The following TTC7B variants were observed in gnomAD, a reference collection of about 807,000 sequenced individuals.
TTC7B encodes tetratricopeptide repeat domain 7B, also known as tetratricopeptide repeat protein 7B.
TTC7B carries 28 observed loss-of-function variants against 106.8 expected under a neutral mutation model. The observed-to-expected ratio is 0.26, with a 90% CI of 0.19 to 0.36. The LOEUF is 0.36. Among genes scored for constraint, TTC7B ranks in the 10% least tolerant of loss-of-function variants. The probability of loss-of-function intolerance (pLI) is 1.00; values close to 1 mark genes in which losing one functional copy is unlikely to be tolerated. For missense variants in TTC7B, 862 were observed against 1,076.4 expected, an observed-to-expected ratio of 0.80 and a Z score of 2.79; for synonymous variants, 405 against 430.6, an observed-to-expected ratio of 0.94 and a Z score of 0.74.
At chr14:90,752,796 A>T (rs749057119) in intron 3 of TTC7B, among the ~76,000 whole-genome samples, 1 of 152,264 alleles carries the variant, frequency 6.6e-6, no homozygotes, top group Non-Finnish European at 1.5e-5. Context: ...TCTGACTACA[A>T]AGTGTTGCTC....
At chr14:90,546,070 G>T (rs1425099625) in intron 19 of TTC7B, among the ~76,000 whole-genome samples, 1 of 152,196 alleles carries the variant, frequency 6.6e-6, no homozygotes, top group Non-Finnish European at 1.5e-5. Context: ...ATGAAAAATA[G>T]GCCTCTCCCC....
In TTC7B at chr14:90,567,970, C is replaced by T. The variant is rs570206129; in HGVS notation, c.2310+10136G>A. Among the ~76,000 whole-genome samples the T allele has an allele frequency of 5.3e-5, 8 of 152,290 alleles. No individual in the cohort carries two copies. The South Asian group carries it at 1.2e-3, about 24-fold the overall frequency. ...ACTCGGTCTGAAGGTCCAGATCACA[C>T]GTGGGGTTGACACGGCCCAAAGAGA... On this transcript the variant is annotated intron_variant, in intron 19 of 19. Transcript: ENST00000328459.
intron 9 of TTC7B, among the ~76,000 whole-genome samples, chr14:90,668,656 A>C (rs1292876083): frequency 6.6e-6 from 1 of 152,124 alleles, no homozygotes; most frequent in Non-Finnish European, 1.5e-5. Flanking sequence ...TTTCCATATA[A>C]GGGGACAGGT....
Position 90,593,582 on chromosome 14 carries a change from C to T in TTC7B, c.2011G>A (p.Ala671Thr). 6.2e-7 allele frequency: 1 copy of T among 1,612,290 alleles called. No homozygotes were observed. The highest frequency in any genetic ancestry group is 8.5e-7 in the Non-Finnish European group (1 of 1,178,984). Residue 671 changes from alanine (A) to threonine (T), a missense_variant, in exon 18 of 20, where the codon GCA (alanine) becomes ACA (threonine). By Grantham distance (58) the Ala-to-Thr change is moderately conservative. Transcript: ENST00000328459. ...TSVAASRVEQ[A>T]LSEVASSLQS... Reference sequence around the variant, plus strand: ...AGAGACGAAGCCACTTCCGACAGTGCCTGCTCCACTCTTGAGGCTGCTACC... The same window carrying T: ...AGAGACGAAGCCACTTCCGACAGTGTCTGCTCCACTCTTGAGGCTGCTACC...
intron 17 of TTC7B, among the ~76,000 whole-genome samples, chr14:90,607,157 T>C (rs937302511): frequency 6.6e-6 from 1 of 152,118 alleles, no homozygotes; most frequent in African/African-American, 2.4e-5. Context: ...AATTTTTCCA[T>C]AATAGAAATT....
At chr14:90,568,871 CAAG>C (rs2139792894) in intron 19 of TTC7B, among the ~76,000 whole-genome samples, 1 of 152,256 alleles carries the variant, frequency 6.6e-6, no homozygotes, top group South Asian at 2.1e-4. Flanking sequence ...CACAGATGCT[CAAG>C]AAGGAGAAAA....
At chr14:90,647,798 T>G (rs1015791835) in intron 13 of TTC7B, among the ~76,000 whole-genome samples, 2 of 152,210 alleles carry the variant, frequency 1.3e-5, no homozygotes, top group African/African-American at 4.8e-5. Context: ...GACATAATTC[T>G]GTGTTTAACT....
At chr14:90,716,704 C>T (rs575555837) in intron 5 of TTC7B, among the ~76,000 whole-genome samples, 1 of 152,304 alleles carries the variant, frequency 6.6e-6, no homozygotes, top group South Asian at 2.1e-4. Flanking sequence ...CTAAGCCTGG[C>T]TAATGAGTTT....
intron 1 of TTC7B, among the ~76,000 whole-genome samples, chr14:90,793,917 T>C (rs1194762201): frequency 6.6e-6 from 1 of 151,376 alleles, no homozygotes; most frequent in Non-Finnish European, 1.5e-5. Flanking sequence ...CTTGTTTGTT[T>C]TCTTCGAAAC....
intron 7 of TTC7B, among the ~76,000 whole-genome samples, chr14:90,682,952 G>A (rs1465909372): frequency 6.6e-6 from 1 of 152,190 alleles, no homozygotes; most frequent in Non-Finnish European, 1.5e-5. Flanking sequence ...AAGACATAGG[G>A]AACAAGGGTG....
intron 1 of TTC7B, among the ~76,000 whole-genome samples, chr14:90,806,191 C>G (rs2030593700): frequency 6.6e-6 from 1 of 152,244 alleles, no homozygotes; most frequent in African/African-American, 2.4e-5. Flanking sequence ...TGGTCACATT[C>G]CTGTCTGCAT....
chr14:90,657,652 T>A lies in TTC7B; in HGVS notation c.1237-374A>T, dbSNP rs996264804. 1.3e-5 allele frequency among the ~76,000 whole-genome samples: 2 copies of A among 152,242 alleles called. No homozygotes were observed. The highest frequency in any genetic ancestry group is 2.9e-5 in the Non-Finnish European group (2 of 68,044). On this transcript the variant is annotated intron_variant, in intron 10 of 19. Coordinates refer to ENST00000328459, the MANE Select transcript of TTC7B (RefSeq NM_001010854.2). This position sits in a 1 kb window ranked among gnomAD's most constrained non-coding sequence, Gnocchi z 4.2. ...TTCACTTAGCTCAAATAATCTTCCA[T>A]CTCAGGCTTCATTCGCTAAATGGCC...
chr14:90,582,174 A>G (rs1891521822), intron 18 of TTC7B, among the ~76,000 whole-genome samples: 1 of 152,252 alleles, frequency 6.6e-6, no homozygotes, highest in Non-Finnish European at 1.5e-5. Flanking sequence ...AGGATACAAA[A>G]GACTCCTGAG....
At chr14:90,630,833 TTTTTG>T (rs1247719384) in intron 15 of TTC7B, among the ~76,000 whole-genome samples, 1 of 142,204 alleles carries the variant, frequency 7.0e-6, no homozygotes. Flanking sequence ...TCTATCTTGT[TTTTTG>T]TTTTTTTTTT....
intron 3 of TTC7B, among the ~76,000 whole-genome samples, chr14:90,763,459 T>C (rs1890569874): frequency 6.6e-6 from 1 of 152,182 alleles, no homozygotes; most frequent in African/African-American, 2.4e-5. Flanking sequence ...AAAATAAGGA[T>C]GTCCACTCTG....
chr14:90,647,780 A>G (rs1433705738), intron 13 of TTC7B, among the ~76,000 whole-genome samples: 1 of 152,176 alleles, frequency 6.6e-6, no homozygotes, highest in Admixed American at 6.5e-5. Context: ...AAATTTGACT[A>G]CATACTAGAC....
chr14:90,582,931 C>T (rs947676557), intron 18 of TTC7B, among the ~76,000 whole-genome samples: 2 of 152,238 alleles, frequency 1.3e-5, no homozygotes, highest in Non-Finnish European at 2.9e-5. Context: ...TTTCTAAGGT[C>T]TCCCACCACC....
chr14:90,665,363 GT>G (rs1262912251), intron 9 of TTC7B, among the ~76,000 whole-genome samples: 2 of 152,160 alleles, frequency 1.3e-5, no homozygotes, highest in African/African-American at 2.4e-5. Flanking sequence ...TTGCGAAAAC[GT>G]TTCCTTTTGG....
chr14:90,660,373 A>G (rs1464521410), intron 9 of TTC7B, among the ~76,000 whole-genome samples: 4 of 145,742 alleles, frequency 2.7e-5, no homozygotes. Flanking sequence ...AGCCTGGGCA[A>G]CAGAGCAAGA....
Sources: gnomAD v4.1 joint callset for allele counts (sites outside exome capture counted in the v4.1 genomes callset) on GRCh38, gnomAD v4.1.1 for gene constraint, Gnocchi (gnomAD v3.1) non-coding constraint, MANE v1.5 for transcripts, NCBI Gene and HGNC (gene_info 2026-07-23, HGNC 2026-07-21) for gene names.